The following MYOM3 variants were observed in gnomAD, a reference collection of about 807,000 sequenced individuals.
MYOM3 encodes the protein myomesin 3.
MYOM3 carries 155 observed loss-of-function variants against 191.7 expected under a neutral mutation model. The observed-to-expected ratio is 0.81, with a 90% CI of 0.71 to 0.92. The LOEUF (loss-of-function observed/expected upper bound fraction) is 0.92, where lower values mean the gene tolerates loss of function less well. MYOM3 is among the 40% of genes least tolerant of loss of function. The pLI is 0.00. For synonymous variants in MYOM3, 757 were observed against 762.9 expected, an observed-to-expected ratio of 0.99 and a Z score of 0.13; for missense variants, 1,889 against 1,890.6, an observed-to-expected ratio of 1.00 and a Z score of 0.02.
At chr1:24,073,592 C>T (rs886605764) in intron 23 of MYOM3, among the ~76,000 whole-genome samples, 1 of 152,154 alleles carries the variant, frequency 6.6e-6, no homozygotes, top group South Asian at 2.1e-4. Flanking sequence ...AGGCTGGGCA[C>T]AGTGGCTCAC....
intron 15 of MYOM3, among the ~76,000 whole-genome samples, chr1:24,085,615 G>T (rs1354410379): frequency 6.6e-6 from 1 of 152,086 alleles, no homozygotes; most frequent in African/African-American, 2.4e-5. Flanking sequence ...TCCCTCACCT[G>T]TTTGAAGGCT....
intron 12 of MYOM3, 109 bp downstream of exon 12, chr1:24,090,688 C>T: frequency 9.1e-7 from 1 of 1,095,864 alleles, no homozygotes; most frequent in Non-Finnish European, 1.4e-6. Flanking sequence ...GGCTGTGCTT[C>T]CTCCACCAGA....
rs538316312 is a variant in MYOM3 at position 24,092,872 on chromosome 1, G to T, written c.1090+75C>A. ...CAAGAGAGCAGGGTCCTTGCCTAAG[G>T]TTCCACAGCAAACAAGGGGCAGAGC... On this transcript the variant is annotated intron_variant, in intron 10 of 36. Transcript: ENST00000374434. The T allele has an allele frequency of 3.1e-4, 422 of 1,371,846 alleles. 3 individuals are homozygous for T. In the African/African-American group the frequency reaches 4.6e-3, roughly 15 times the overall value. 85.0% of individuals were successfully genotyped at this position (1,371,846 alleles called of 1,614,324 possible). A position where few individuals can be genotyped will look rare whatever the true frequency, so the allele number is the denominator to read the frequency against.
chr1:24,076,507 C>CTTTTTTTTTTT (rs558326490), intron 20 of MYOM3, among the ~76,000 whole-genome samples: 39 of 49,108 alleles, frequency 7.9e-4, no homozygotes, highest in East Asian at 1.6e-3. Context: ...CCTAATGTTT[C>CTTTTTTTTTTT]TTTTTTTTTT....
chr1:24,068,485 T>C, intron 25 of MYOM3, 118 bp from the exon 26 acceptor site: 1 of 1,252,482 alleles, frequency 8.0e-7, no homozygotes, highest in East Asian at 2.3e-5. Flanking sequence ...CTTCAGAGAC[T>C]GGGGCTGGCC....
At position 24,108,487 on chromosome 1, in the gene MYOM3, G is replaced by T. The variant is rs1481679415; in HGVS notation, c.150C>A (p.Thr50=). 3.2e-6 allele frequency: 5 copies of T among 1,562,030 alleles called. No homozygotes were observed. Among genetic ancestry groups the T allele is most frequent in the Non-Finnish European group, 4.3e-6 (5 of 1,152,356 alleles). ...CCTGTGGCTCCCACCTGCTGCGGAAGGTCCGCCTCCGCACAGAGGAGCCCA... is the reference window on the plus strand; with the variant it reads ...CCTGTGGCTCCCACCTGCTGCGGAATGTCCGCCTCCGCACAGAGGAGCCCA... ...LRMGSSVRRR[T]FRSSEEEHEF... Residue 50 remains threonine (T), a synonymous_variant, in exon 2 of 37, where the codon ACC becomes ACA. Transcript: ENST00000374434.
intron 11 of MYOM3, 107 bp downstream of exon 11, chr1:24,092,067 T>C (rs1570879041): frequency 2.7e-6 from 3 of 1,110,508 alleles, no homozygotes; most frequent in Middle Eastern, 2.2e-4. Context: ...GGAGCGGGGG[T>C]GTGAGGGTTC....
Position 24,082,103 on chromosome 1 carries a change from A to G in MYOM3, c.2178T>C (p.Arg726=), listed in dbSNP as rs771461227. 1.2e-6 allele frequency: 2 copies of G among 1,613,640 alleles called. No individual in the cohort carries two copies. Among genetic ancestry groups the G allele is most frequent in the Non-Finnish European group, 8.5e-7 (1 of 1,179,978 alleles). ...AGTAGCCCAGGATCTTGCCACCTCC[A>G]CGACGCTTGGGGGGTTTCCACCCAA... is the stretch of plus-strand genomic sequence containing the variant. ...MVIGWKPPKR[R]GGGKILGYFL... The change falls in exon 18 of 37, where the codon CGT becomes CGC. Residue 726 remains arginine (R), a synonymous_variant. Transcript: ENST00000374434.
intron 6 of MYOM3, among the ~76,000 whole-genome samples, chr1:24,099,174 C>T (rs943088687): frequency 1.2e-4 from 19 of 152,184 alleles, no homozygotes; most frequent in Non-Finnish European, 2.4e-4. Flanking sequence ...ATGCTTAGGA[C>T]GCACCATCTC....
chr1:24,062,231 G>A, intron 32 of MYOM3, 122 bp from the exon 33 acceptor site: 1 of 971,570 alleles, frequency 1.0e-6, no homozygotes, highest in Non-Finnish European at 1.6e-6. Flanking sequence ...GTGACTATGA[G>A]GCACCAGATA....
intron 22 of MYOM3, 74 bp from the exon 23 acceptor site, chr1:24,074,343 G>T: frequency 8.5e-7 from 1 of 1,174,608 alleles, no homozygotes; most frequent in South Asian, 1.4e-5. Context: ...GGGAGCCAGG[G>T]AGTCCAGGTT....
In MYOM3 at chr1:24,097,929, C is replaced by T. The variant is rs527972499; in HGVS notation, c.739G>A (p.Val247Ile). Residue 247 changes from valine (V) to isoleucine (I), a missense_variant, in exon 7 of 37, where the codon GTC (valine) becomes ATC (isoleucine). Transcript: ENST00000374434. The stretch of plus-strand genomic sequence containing the variant: ...TGGGGTTGGGAGGACTTACTGCGGA[C>T]GAGGACTTTGGCGAAGGAGGAGGCC... ...GQASSFAKVLVRTYLGKDAGF... is the reference protein window; with the variant it reads ...GQASSFAKVLIRTYLGKDAGF... The T allele has an allele frequency of 1.3e-4, 202 of 1,612,214 alleles. No homozygotes were observed. Among genetic ancestry groups the T allele is most frequent in the Middle Eastern group, 5.0e-4 (3 of 6,060 alleles).
At position 24,063,683 on chromosome 1, in the gene MYOM3, A is replaced by G. The variant is rs1643400299; in HGVS notation, c.3623-153T>C. 6.6e-6 allele frequency among the ~76,000 whole-genome samples: 1 copy of G among 152,060 alleles called. No individual in the cohort carries two copies. Among genetic ancestry groups the G allele is most frequent in the Admixed American group, 6.5e-5 (1 of 15,272 alleles). On this transcript the variant is annotated intron_variant, in intron 30 of 36. Transcript: ENST00000374434. The surrounding 1 kb of genome is among the most constrained non-coding windows in gnomAD (Gnocchi z 4.5). ...AGGATGACTCTCATAGCTTGGGGATAGGAGGGGGTTCAGGGCACTCAGCAA... is the reference window on the plus strand; with the variant it reads ...AGGATGACTCTCATAGCTTGGGGATGGGAGGGGGTTCAGGGCACTCAGCAA...
At chr1:24,108,192 C>G (rs781012006) in intron 2 of MYOM3, 119 bp from the exon 3 acceptor site, 36 of 931,906 alleles carry the variant, frequency 3.9e-5, no homozygotes, top group Admixed American at 5.2e-5. Context: ...CTGTGCCTCC[C>G]TCCTCATACT....
intron 16 of MYOM3, 154 bp from the exon 17 acceptor site, chr1:24,082,868 T>C: frequency 1.2e-6 from 1 of 852,522 alleles, no homozygotes; most frequent in South Asian, 2.3e-5. Context: ...CTTGATCCCA[T>C]GGCAATGCCT....
At chr1:24,094,535 C>T (rs758515187) in intron 9 of MYOM3, among the ~76,000 whole-genome samples, 12 of 152,062 alleles carry the variant, frequency 7.9e-5, no homozygotes, top group Non-Finnish European at 1.6e-4. Flanking sequence ...TCAGTGCCAG[C>T]GGCTACAATT....
In MYOM3 at chr1:24,089,477, G is replaced by T. The variant is rs116373825; in HGVS notation, c.1614+61C>A. ...CGGCCTCCCCAGGGGACACTGCCCA[G>T]GGTCCCACAGCACATCTGTTTCTCA... On this transcript the variant is annotated intron_variant, in intron 14 of 36. Transcript: ENST00000374434. The T allele has an allele frequency of 1.8e-3, 2,804 of 1,527,194 alleles. 50 individuals carry two copies. In the African/African-American group the frequency reaches 0.036, roughly 20 times the overall value. 94.6% of individuals were successfully genotyped at this position (1,527,194 alleles called of 1,614,324 possible).
rs1027026608 is a variant in MYOM3, at chr1:24,076,191, G to T, written c.2669C>A (p.Pro890His). ...GTCCTCCAGGAGCACGGGATCAGTG[G>T]GCATGGACGGTTGCCCCAGACCAGC... Reference protein sequence around the residue: ...NSAGLGQPSMPTDPVLLEDKP... With the variant: ...NSAGLGQPSMHTDPVLLEDKP... The change falls in exon 21 of 37, where the codon CCC becomes CAC. Residue 890 changes from proline (P) to histidine (H), a missense_variant. Physicochemically the swap from Pro to His is moderately conservative, Grantham distance 77 (BLOSUM62 -2). Coordinates refer to ENST00000374434, the MANE Select transcript of MYOM3 (RefSeq NM_152372.4). 5.0e-6 allele frequency: 8 copies of T among 1,614,026 alleles called. No individual in the cohort carries two copies. In the Admixed American group the frequency reaches 1.2e-4, roughly 24 times the overall value.
rs1643336543 is a variant in MYOM3 at position 24,058,987 on chromosome 1, G to A, written c.3995-8C>T. ...TCACCACTTTGGCACGATCTGGAAGGGAAATAAGAGACCCCAGCGATGAAT... is the reference window on the plus strand; with the variant it reads ...TCACCACTTTGGCACGATCTGGAAGAGAAATAAGAGACCCCAGCGATGAAT... On this transcript the variant is annotated splice_region_variant and splice_polypyrimidine_tract_variant and intron_variant, in intron 35 of 36. Coordinates refer to ENST00000374434, the MANE Select transcript of MYOM3 (RefSeq NM_152372.4). 6.2e-7 allele frequency: 1 copy of A among 1,607,262 alleles called. No individual in the cohort carries two copies. The highest frequency in any genetic ancestry group is 8.5e-7 in the Non-Finnish European group (1 of 1,175,330).
Sources: gnomAD v4.1 joint callset for allele counts (sites outside exome capture counted in the v4.1 genomes callset) on GRCh38, gnomAD v4.1.1 for gene constraint, Gnocchi (gnomAD v3.1) non-coding constraint, MANE v1.5 for transcripts, NCBI Gene and HGNC (gene_info 2026-07-23, HGNC 2026-07-21) for gene names.